Variants in FGL1 observed in about 807,000 individuals in gnomAD.
FGL1 encodes fibrinogen-like protein 1.
Under a neutral mutation model 43.7 loss-of-function variants are expected in FGL1, and 59 were observed. That is an observed-to-expected ratio of 1.35 (90% confidence interval 1.10 to 1.68). The LOEUF (loss-of-function observed/expected upper bound fraction) is 1.68. FGL1 is among the 40% of genes most tolerant of loss of function. FGL1 has a pLI of 0.00. For missense variants in FGL1, 596 were observed against 373.0 expected (o/e 1.60, Z -4.92); for synonymous variants, 192 against 126.5 (o/e 1.52, Z -3.48).
rs2053242894 is a variant in FGL1 at position 17,864,687 on chromosome 8, C to T, written c.844G>A (p.Gly282Arg). 1 of 1,613,040 alleles carries T rather than the reference C, an allele frequency of 6.2e-7. No homozygotes were observed. Among genetic ancestry groups the T allele is most frequent in the Admixed American group, 1.7e-5 (1 of 59,802 alleles). ...CCATGCCAGGTGTACCAGACAATCC[C>T]ATTGTCTGTTTTAGCCGTGTAGGGG... ...SGPYTAKTDN[G>R]IVWYTWHGWW... is the part of the protein sequence containing the mutation. The change falls in exon 8 of 8, where the codon GGG becomes AGG. Residue 282 changes from glycine (G) to arginine (R), a missense_variant. Physicochemically the swap from Gly to Arg is moderately radical, Grantham distance 125. Coordinates refer to ENST00000427924, the MANE Select transcript of FGL1 (RefSeq NM_004467.4).
chr8:17,874,621 G>A (rs2131708181), intron 3 of FGL1, 100 bp from the exon 4 acceptor site: 1 of 784,466 alleles, frequency 1.3e-6, no homozygotes, highest in South Asian at 2.5e-5. Flanking sequence ...ACTGGAGACA[G>A]ATAACACATG....
chr8:17,867,535 A>G (rs1049086003), intron 7 of FGL1, among the ~76,000 whole-genome samples: 1 of 152,266 alleles, frequency 6.6e-6, no homozygotes, highest in African/African-American at 2.4e-5. Context: ...ATAAAAGATT[A>G]TGATTATATA....
At chr8:17,869,558 T>C (rs1361739749) in intron 5 of FGL1, among the ~76,000 whole-genome samples, 5 of 152,206 alleles carry the variant, frequency 3.3e-5, no homozygotes, top group Admixed American at 6.5e-5. Flanking sequence ...GGAAGAAATA[T>C]GAATCCTAAT....
At chr8:17,894,939 A>T (rs2053754038) in intron 1 of FGL1, among the ~76,000 whole-genome samples, 1 of 148,176 alleles carries the variant, frequency 6.7e-6, no homozygotes, top group Non-Finnish European at 1.5e-5. Flanking sequence ...GTATATAAAT[A>T]TTGCTTAGCA....
chr8:17,874,820 T>A (rs1450812934), intron 3 of FGL1, among the ~76,000 whole-genome samples: 1 of 151,990 alleles, frequency 6.6e-6, no homozygotes. Context: ...TTTTAAGAAA[T>A]GGGGGCGTGT....
At chr8:17,874,254 G>C in intron 4 of FGL1, 108 bp downstream of exon 4, 1 of 1,385,730 alleles carries the variant, frequency 7.2e-7, no homozygotes, top group Non-Finnish European at 1.0e-6. Flanking sequence ...TCTTTAGAGA[G>C]ATTGAAATTC....
In FGL1 at chr8:17,874,719, C is replaced by A. The variant is rs961263762; in HGVS notation, c.245-198G>T. On this transcript the variant is annotated intron_variant, in intron 3 of 7. Transcript: ENST00000427924. ...TTATTTCCTTTGCTAAAATTTGCCA[C>A]CTGAATCCTTGATATAATCATCGAG... The A allele has an allele frequency of 2.6e-5, 10 of 385,874 alleles. No homozygotes were observed. In the East Asian group the frequency reaches 3.4e-4, roughly 13 times the overall value. 23.9% of individuals were successfully genotyped at this position (385,874 alleles called of 1,614,324 possible).
intron 2 of FGL1, 81 bp downstream of exon 2, chr8:17,885,411 A>G (rs1210822801): frequency 8.3e-7 from 1 of 1,207,508 alleles, no homozygotes; most frequent in Admixed American, 1.9e-5. Context: ...ACAAGTCACT[A>G]TAGGTTTAAT....
rs951244654 is a variant in FGL1, at chr8:17,876,107, A to G, written c.245-1586T>C. 2.0e-5 allele frequency among the ~76,000 whole-genome samples: 3 copies of G among 152,316 alleles called. No homozygotes were observed. In the East Asian group the frequency reaches 5.8e-4, roughly 29 times the overall value. On this transcript the variant is annotated intron_variant, in intron 3 of 7. Coordinates refer to ENST00000427924, the MANE Select transcript of FGL1 (RefSeq NM_004467.4). ...ATCTCAAGAAGAGCCGTCTACAAAC[A>G]TTTGAATAAAAATACTATAACATCA...
At chr8:17,878,527 G>A (rs777085564) in intron 3 of FGL1, among the ~76,000 whole-genome samples, 8 of 152,060 alleles carry the variant, frequency 5.3e-5, no homozygotes, top group Non-Finnish European at 1.0e-4. Context: ...AGTGAACGGC[G>A]GTGGTGACGC....
intron 2 of FGL1, among the ~76,000 whole-genome samples, chr8:17,883,225 A>G: frequency 1.7e-5 from 1 of 58,302 alleles, no homozygotes; most frequent in Admixed American, 2.8e-4. Flanking sequence ...TATATATCAT[A>G]TATAATATAT....
chr8:17,876,394 C>T (rs1050271040), intron 3 of FGL1, among the ~76,000 whole-genome samples: 1 of 151,998 alleles, frequency 6.6e-6, no homozygotes, highest in African/African-American at 2.4e-5. Context: ...TTTTATAAAG[C>T]CTTCACATGG....
intron 5 of FGL1, among the ~76,000 whole-genome samples, chr8:17,869,932 A>AC (rs2053332264): frequency 6.6e-6 from 1 of 151,994 alleles, no homozygotes; most frequent in Admixed American, 6.6e-5. Context: ...ACACTGTGAA[A>AC]CCCCGTCTCT....
At chr8:17,867,816 G>A (rs1257487297) in intron 7 of FGL1, among the ~76,000 whole-genome samples, 2 of 152,152 alleles carry the variant, frequency 1.3e-5, no homozygotes, top group African/African-American at 4.8e-5. Flanking sequence ...GGTGGCTCAC[G>A]CCCAACACTT....
intron 5 of FGL1, among the ~76,000 whole-genome samples, 181 bp downstream of exon 5, chr8:17,873,838 T>A (rs1330007741): frequency 6.6e-6 from 1 of 151,790 alleles, no homozygotes; most frequent in Non-Finnish European, 1.5e-5. Context: ...AGCTTTTTTT[T>A]CTGTTTCTAA....
At position 17,864,902 on chromosome 8, in the gene FGL1, C is replaced by A. The variant is rs181275470; in HGVS notation, c.780-151G>T. On this transcript the variant is annotated intron_variant, in intron 7 of 7. Coordinates refer to ENST00000427924, the MANE Select transcript of FGL1 (RefSeq NM_004467.4). Reference sequence around the variant, plus strand: ...GTAAATATTTACTAGTTTCCAAAAGCTGAGAAATTTCTACAACAGATGGCT... The same window carrying A: ...GTAAATATTTACTAGTTTCCAAAAGATGAGAAATTTCTACAACAGATGGCT... The A allele has an allele frequency of 1.1e-3, 620 of 578,126 alleles. 2 individuals are homozygous for A. In the African/African-American group the frequency reaches 0.011, roughly 10 times the overall value. 35.8% of individuals were successfully genotyped at this position (578,126 alleles called of 1,614,324 possible).
rs369655696 is a variant in FGL1, at chr8:17,878,830, G to A, written c.244+3169C>T. Reference sequence around the variant, plus strand: ...AGATTATATGTATGAATATTTAATTGTTTTCAATTTAAGGACACCAAAAAC... The same window carrying A: ...AGATTATATGTATGAATATTTAATTATTTTCAATTTAAGGACACCAAAAAC... On this transcript the variant is annotated intron_variant, in intron 3 of 7. Coordinates refer to ENST00000427924, the MANE Select transcript of FGL1 (RefSeq NM_004467.4). Among the ~76,000 whole-genome samples, 3 of 151,732 alleles carry A rather than the reference G, an allele frequency of 2.0e-5. 1 individual carries two copies. In the East Asian group the frequency reaches 5.8e-4, roughly 29 times the overall value.
intron 3 of FGL1, chr8:17,874,747 A>G: frequency 5.7e-6 from 2 of 348,730 alleles, no homozygotes; most frequent in East Asian, 8.7e-5. Flanking sequence ...TCATCGAGGA[A>G]AAAAGGGGAG....
intron 3 of FGL1, among the ~76,000 whole-genome samples, chr8:17,879,644 T>C (rs1434603107): frequency 1.3e-5 from 2 of 152,130 alleles, no homozygotes; most frequent in Admixed American, 1.3e-4. Context: ...CCGTCTGCCA[T>C]GATTGTAAGT....
Sources: gnomAD v4.1 joint callset for allele counts (sites outside exome capture counted in the v4.1 genomes callset) on GRCh38, gnomAD v4.1.1 for gene constraint, MANE v1.5 for transcripts, NCBI Gene and HGNC (gene_info 2026-07-23, HGNC 2026-07-21) for gene names.